ATP9B: variants seen among roughly 807,000 people sequenced by gnomAD.
The protein encoded by ATP9B is probable phospholipid-transporting ATPase IIB.
ATP9B carries 110 observed loss-of-function variants against 146.1 expected under a neutral mutation model. That is an observed-to-expected ratio of 0.75 (90% CI 0.65 to 0.88). ATP9B has a LOEUF of 0.88. Among genes scored for constraint, ATP9B ranks in the 40% least tolerant of loss-of-function variants. The pLI, the probability that ATP9B is intolerant of heterozygous loss-of-function variation, is 0.00. For synonymous variants in ATP9B, 604 were observed against 569.7 expected (o/e 1.06, Z -0.86); for missense variants, 1,499 against 1,496.4 (o/e 1.00, Z -0.03).
intron 11 of ATP9B, among the ~76,000 whole-genome samples, chr18:79,248,011 A>G (rs936054433): frequency 1.3e-5 from 2 of 152,214 alleles, no homozygotes; most frequent in Admixed American, 1.3e-4. Context: ...TTGTGCTGAT[A>G]CTTATTTAGG....
intron 2 of ATP9B, among the ~76,000 whole-genome samples, chr18:79,100,547 A>G (rs2075190431): frequency 6.6e-6 from 1 of 152,132 alleles, no homozygotes; most frequent in African/African-American, 2.4e-5. Context: ...AGCTTTTTTG[A>G]TTAATGTTTG....
intron 12 of ATP9B, among the ~76,000 whole-genome samples, chr18:79,262,690 T>G (rs1041704231): frequency 6.6e-6 from 1 of 152,182 alleles, no homozygotes; most frequent in African/African-American, 2.4e-5. Context: ...TCCATCCCCT[T>G]TACGTGGTAC....
rs1207009412 is a variant in ATP9B at position 79,120,437 on chromosome 18, TTAA to T, written c.559-5824_559-5822del. 1.7e-4 allele frequency among the ~76,000 whole-genome samples: 26 copies of T among 152,372 alleles called. No individual in the cohort carries two copies. The East Asian group carries it at 4.4e-3, about 26-fold the overall frequency. ...GTTTTTGAAAACAATGATAGCTTAA[TTAA>T]TAATATTTCTTTTTCAGTTGCTTTT... is the stretch of plus-strand genomic sequence containing the variant. On this transcript the variant is annotated intron_variant, in intron 4 of 29. Transcript: ENST00000426216.
chr18:79,112,053 A>T (rs2076035965), intron 3 of ATP9B, among the ~76,000 whole-genome samples: 2 of 152,348 alleles, frequency 1.3e-5, no homozygotes, highest in Non-Finnish European at 2.9e-5. Context: ...CAGCAGGTTG[A>T]ACGTGATTAT....
intron 21 of ATP9B, among the ~76,000 whole-genome samples, chr18:79,344,704 T>C (rs972990720): frequency 2.0e-5 from 3 of 152,218 alleles, no homozygotes; most frequent in Non-Finnish European, 2.9e-5. Flanking sequence ...CCTTGACACA[T>C]TGAGAGCCTG....
At chr18:79,181,902 A>C (rs2095256219) in intron 8 of ATP9B, among the ~76,000 whole-genome samples, 1 of 151,976 alleles carries the variant, frequency 6.6e-6, no homozygotes, top group African/African-American at 2.4e-5. Flanking sequence ...TTTCTATTTA[A>C]ATTTTTTGGC....
intron 9 of ATP9B, among the ~76,000 whole-genome samples, chr18:79,199,465 T>G (rs920111166): frequency 5.9e-5 from 9 of 152,002 alleles, no homozygotes; most frequent in Non-Finnish European, 1.2e-4. Flanking sequence ...TTTTTTTTGT[T>G]AAAAACAAAG....
intron 17 of ATP9B, 114 bp from the exon 18 acceptor site, chr18:79,336,514 G>A: frequency 3.4e-6 from 3 of 873,414 alleles, no homozygotes; most frequent in Admixed American, 2.1e-5. Context: ...ATGAAGGTGG[G>A]CACAGGACAT....
At chr18:79,278,814 A>G (rs939068078) in intron 13 of ATP9B, among the ~76,000 whole-genome samples, 1 of 151,994 alleles carries the variant, frequency 6.6e-6, no homozygotes, top group Non-Finnish European at 1.5e-5. Flanking sequence ...TCCCTTCCCA[A>G]CCTCATGAAG....
chr18:79,139,799 A>C (rs1302722040), intron 5 of ATP9B, among the ~76,000 whole-genome samples: 5 of 152,078 alleles, frequency 3.3e-5, no homozygotes, highest in African/African-American at 1.2e-4. Context: ...CCTATTAACC[A>C]TCCTCGCTTC....
intron 4 of ATP9B, 34 bp downstream of exon 4, chr18:79,113,388 T>C (rs2094007529): frequency 7.9e-7 from 1 of 1,261,916 alleles, no homozygotes; most frequent in Non-Finnish European, 1.1e-6. Flanking sequence ...AGTTAAATTA[T>C]GAAATATTTA....
chr18:79,149,685 A>G (rs1376918289), intron 6 of ATP9B, among the ~76,000 whole-genome samples: 1 of 151,942 alleles, frequency 6.6e-6, no homozygotes, highest in Non-Finnish European at 1.5e-5. Context: ...TGTCTAGAAT[A>G]TATAAAAACT....
intron 19 of ATP9B, among the ~76,000 whole-genome samples, chr18:79,338,127 T>C (rs1358915607): frequency 6.6e-6 from 1 of 152,228 alleles, no homozygotes; most frequent in African/African-American, 2.4e-5. Context: ...TATAGAATAC[T>C]CAGACGTGCA....
At chr18:79,249,462 T>C (rs2096001910) in intron 11 of ATP9B, among the ~76,000 whole-genome samples, 1 of 152,348 alleles carries the variant, frequency 6.6e-6, no homozygotes, top group East Asian at 1.9e-4. Context: ...CAATGAATGT[T>C]GAAAATAACT....
chr18:79,304,751 G>C (rs1422699845), intron 14 of ATP9B, among the ~76,000 whole-genome samples: 1 of 152,122 alleles, frequency 6.6e-6, no homozygotes, highest in East Asian at 1.9e-4. Flanking sequence ...TCATTCATTT[G>C]CATTTTTTTG....
intron 13 of ATP9B, among the ~76,000 whole-genome samples, chr18:79,290,537 G>A (rs2096492551): frequency 6.6e-6 from 1 of 152,192 alleles, no homozygotes; most frequent in African/African-American, 2.4e-5. Context: ...CTTTGACTAG[G>A]AAAGGGAACT....
At chr18:79,124,423 C>G (rs1377580129) in intron 4 of ATP9B, among the ~76,000 whole-genome samples, 1 of 152,268 alleles carries the variant, frequency 6.6e-6, no homozygotes, top group Non-Finnish European at 1.5e-5. Flanking sequence ...TGCTCATCAG[C>G]TGGTGTCTTC....
At chr18:79,160,342 C>G (rs1463259253) in intron 7 of ATP9B, among the ~76,000 whole-genome samples, 1 of 152,208 alleles carries the variant, frequency 6.6e-6, no homozygotes, top group Non-Finnish European at 1.5e-5. Context: ...CACTAGTCTT[C>G]TCATTGCAGT....
At chr18:79,327,455 C>T (rs1232411733) in intron 15 of ATP9B, among the ~76,000 whole-genome samples, 2 of 151,438 alleles carry the variant, frequency 1.3e-5, no homozygotes, top group South Asian at 2.1e-4. Flanking sequence ...GTGTGCTCCC[C>T]ATGGTTAGCG....
Sources: allele counts gnomAD v4.1 joint callset (sites outside exome capture counted in the v4.1 genomes callset), GRCh38; gene constraint gnomAD v4.1.1; transcripts MANE v1.5; gene names NCBI Gene and HGNC (gene_info 2026-07-23, HGNC 2026-07-21).